The following PDS5A variants were observed in gnomAD, a reference collection of about 807,000 sequenced individuals.
The protein encoded by PDS5A is sister chromatid cohesion protein PDS5 homolog A.
A neutral mutation model predicts 167.1 loss-of-function variants in PDS5A; 42 were observed. That is an observed-to-expected ratio of 0.25 (90% CI 0.20 to 0.33). The LOEUF (loss-of-function observed/expected upper bound fraction) is 0.33. Ranked by LOEUF, PDS5A falls within the 10% of genes least tolerant of loss-of-function variation. PDS5A has a pLI of 1.00. For missense variants in PDS5A, 1,033 were observed against 1,605.9 expected, an observed-to-expected ratio of 0.64 and a Z score of 6.10; for synonymous variants, 553 against 554.6, an observed-to-expected ratio of 1.00 and a Z score of 0.04.
intron 30 of PDS5A, among the ~76,000 whole-genome samples, chr4:39,843,007 G>A (rs921207141): frequency 6.8e-6 from 1 of 146,852 alleles, no homozygotes; most frequent in African/African-American, 2.6e-5. Context: ...GAACTCCTGG[G>A]CTCAAGTGAT....
intron 17 of PDS5A, 41 bp downstream of exon 17, chr4:39,890,208 G>T: frequency 9.3e-7 from 1 of 1,078,150 alleles, no homozygotes; most frequent in Non-Finnish European, 1.4e-6. Context: ...TGTCGTTGCA[G>T]ATTATTATTT....
At chr4:39,943,919 T>TG (rs1727484317) in intron 2 of PDS5A, among the ~76,000 whole-genome samples, 1 of 152,096 alleles carries the variant, frequency 6.6e-6, no homozygotes, top group Non-Finnish European at 1.5e-5. Flanking sequence ...GGCTCATGCC[T>TG]GTAATCTCAG....
rs747839173 is a variant in PDS5A at position 39,922,714 on chromosome 4, G to C, written c.562C>G (p.Leu188Val). Residue 188 changes from leucine to valine, a missense_variant, in exon 6 of 33, where the codon CTA becomes GTA. Around this residue, in one of 4 missense-constraint regions of PDS5A, gnomAD observed 388 missense variants for 615.1 expected, o/e 0.63. Coordinates refer to ENST00000303538, the MANE Select transcript of PDS5A (RefSeq NM_001100399.2). Reference protein sequence around the residue: ...SHNKKVQMHMLDLMSSIIMEG... With the variant: ...SHNKKVQMHMVDLMSSIIMEG... The stretch of plus-strand genomic sequence containing the variant: ...ATGATGATAGAACTCATCAAATCTA[G>C]CATGTGCATTTGTACCTTCTTATTG... 1.3e-6 allele frequency: 2 copies of C among 1,570,232 alleles called. No homozygotes were observed. The highest frequency in any genetic ancestry group is 3.6e-5 in the Admixed American group (2 of 55,420).
chr4:39,899,080 A>G (rs1722658968), intron 14 of PDS5A, among the ~76,000 whole-genome samples: 2 of 152,228 alleles, frequency 1.3e-5, no homozygotes, highest in African/African-American at 2.4e-5. Context: ...CCACAAGTAT[A>G]TAACTTTCAC....
At position 39,863,396 on chromosome 4, in the gene PDS5A, T is replaced by C; in HGVS notation, c.2706A>G (p.Glu902=). The part of the protein sequence containing the change: ...AGSAIMKLAQ[E]PCYHEIITPE... ...GGGTAATAATTTCATGGTAACAAGG[T>C]TCCTGAGCAAGCTTCATTATGGCAC... Residue 902 remains glutamate, a synonymous_variant, in exon 24 of 33, where the codon GAA becomes GAG. Transcript: ENST00000303538. 1 of 1,610,368 alleles carries C rather than the reference T, an allele frequency of 6.2e-7. No individual in the cohort carries two copies. The highest frequency in any genetic ancestry group is 8.5e-7 in the Non-Finnish European group (1 of 1,177,106).
intron 2 of PDS5A, among the ~76,000 whole-genome samples, chr4:39,964,574 C>T (rs934174546): frequency 1.3e-5 from 2 of 152,150 alleles, no homozygotes; most frequent in Non-Finnish European, 2.9e-5. Context: ...TGGGGTTTTG[C>T]GCCTGTAGTC....
At chr4:39,914,141 A>G (rs1724132496) in intron 8 of PDS5A, among the ~76,000 whole-genome samples, 1 of 151,630 alleles carries the variant, frequency 6.6e-6, no homozygotes, top group Admixed American at 6.6e-5. Context: ...CACATCAATT[A>G]AAGTTTTGAT....
At chr4:39,858,124 G>C (rs1560431883) in intron 26 of PDS5A, among the ~76,000 whole-genome samples, 1 of 152,108 alleles carries the variant, frequency 6.6e-6, no homozygotes, top group South Asian at 2.1e-4. Context: ...TGTGCTAATA[G>C]ATTAGAAGAC....
chr4:39,827,043 C>T lies in PDS5A; in HGVS notation c.4011-1555G>A, dbSNP rs541896591. 5.3e-4 allele frequency among the ~76,000 whole-genome samples: 80 copies of T among 151,528 alleles called. 1 individual carries two copies. In the South Asian group the frequency reaches 6.9e-3, roughly 13 times the overall value. ...TTGAGGCAGAGTCTTGCTCTGTTGC[C>T]CAGGCTGGAGTGCTTGGCATGATCT... On this transcript the variant is annotated intron_variant, in intron 32 of 32. Coordinates refer to ENST00000303538, the MANE Select transcript of PDS5A (RefSeq NM_001100399.2).
intron 7 of PDS5A, among the ~76,000 whole-genome samples, chr4:39,919,763 A>AT (rs1578743271): frequency 1.3e-5 from 2 of 152,124 alleles, no homozygotes; most frequent in African/African-American, 2.4e-5. Context: ...CAAATTATTG[A>AT]TTTTTTTAGG....
intron 26 of PDS5A, among the ~76,000 whole-genome samples, chr4:39,856,227 C>A (rs557791944): frequency 6.6e-6 from 1 of 152,210 alleles, no homozygotes; most frequent in Admixed American, 6.5e-5. Flanking sequence ...AAAACCCCAA[C>A]AACTCGTCAA....
chr4:39,889,608 TTGAAAAGTC>T (rs979192970), intron 17 of PDS5A, among the ~76,000 whole-genome samples: 2 of 152,214 alleles, frequency 1.3e-5, no homozygotes, highest in Non-Finnish European at 2.9e-5. Flanking sequence ...TACCAGACGT[TTGAAAAGTC>T]TGAAATCATG....
intron 4 of PDS5A, 37 bp from the exon 5 acceptor site, chr4:39,925,970 T>C (rs933016942): frequency 4.7e-6 from 3 of 634,416 alleles, no homozygotes; most frequent in South Asian, 3.6e-5. Flanking sequence ...ATTATACATA[T>C]ATACAGAATA....
At chr4:39,886,883 G>A (rs1721524612) in intron 17 of PDS5A, among the ~76,000 whole-genome samples, 2 of 151,344 alleles carry the variant, frequency 1.3e-5, no homozygotes, top group Admixed American at 6.6e-5. Context: ...ATTCTTTGTA[G>A]CTATTATAAA....
chr4:39,889,177 G>C (rs1578676801), intron 17 of PDS5A, among the ~76,000 whole-genome samples: 2 of 152,280 alleles, frequency 1.3e-5, no homozygotes, highest in South Asian at 2.1e-4. Flanking sequence ...TATTGTTCCT[G>C]CAAGAGATTA....
At chr4:39,895,145 T>C (rs1023714376) in intron 16 of PDS5A, among the ~76,000 whole-genome samples, 11 of 135,818 alleles carry the variant, frequency 8.1e-5, no homozygotes, top group Non-Finnish European at 1.4e-4. Context: ...GAGAACGCAG[T>C]GAGCCAAGAT....
chr4:39,919,070 C>T (rs1724675464), intron 7 of PDS5A, among the ~76,000 whole-genome samples: 2 of 152,128 alleles, frequency 1.3e-5, no homozygotes, highest in Non-Finnish European at 2.9e-5. Context: ...CACTTCTTTA[C>T]TACTATTATT....
At chr4:39,971,959 G>A (rs1274759120) in intron 2 of PDS5A, among the ~76,000 whole-genome samples, 1 of 152,122 alleles carries the variant, frequency 6.6e-6, no homozygotes, top group African/African-American at 2.4e-5. Context: ...TAAGTACAAA[G>A]TCAAAATAGA....
intron 31 of PDS5A, among the ~76,000 whole-genome samples, chr4:39,840,831 T>C (rs1356342546): frequency 6.6e-6 from 1 of 152,218 alleles, no homozygotes; most frequent in Non-Finnish European, 1.5e-5. Context: ...GTTGGCTCAC[T>C]GCAACCTTCA....
Sources: gnomAD v4.1 joint callset for allele counts (sites outside exome capture counted in the v4.1 genomes callset) on GRCh38, gnomAD v4.1.1 for gene constraint, gnomAD v4.1.1 regional missense constraint, MANE v1.5 for transcripts, NCBI Gene and HGNC (gene_info 2026-07-23, HGNC 2026-07-21) for gene names.